NARS1: variants seen among roughly 807,000 people sequenced by gnomAD.
The protein encoded by NARS1 is asparaginyl-tRNA synthetase 1.
Under a neutral mutation model 79.2 loss-of-function variants are expected in NARS1, and 65 were observed. That is an observed-to-expected ratio of 0.82 (90% CI 0.67 to 1.01). The LOEUF is 1.01. Ranked by LOEUF, NARS1 falls within the 50% of genes least tolerant of loss-of-function variation. NARS1 has a pLI of 0.00. For synonymous variants in NARS1, 229 were observed against 238.8 expected, an observed-to-expected ratio of 0.96 and a Z score of 0.38; for missense variants, 649 against 673.8, an observed-to-expected ratio of 0.96 and a Z score of 0.41.
intron 1 of NARS1, among the ~76,000 whole-genome samples, chr18:57,621,009 C>A (rs978333712): frequency 1.3e-5 from 2 of 152,186 alleles, no homozygotes; most frequent in Admixed American, 1.3e-4. Flanking sequence ...ATTTACTTAA[C>A]CTTTCTGAGC....
At chr18:57,621,588 T>A in intron 1 of NARS1, 120 bp downstream of exon 1, 1 of 443,030 alleles carries the variant, frequency 2.3e-6, no homozygotes, top group South Asian at 1.6e-5. Context: ...CTGCAATCGG[T>A]CCCCAAACAT....
intron 10 of NARS1, among the ~76,000 whole-genome samples, chr18:57,606,297 G>T (rs1187047779): frequency 2.7e-5 from 4 of 149,360 alleles, no homozygotes; most frequent in African/African-American, 7.4e-5. Flanking sequence ...AGTGAGCAGA[G>T]ATCGCGCCAC....
intron 4 of NARS1, among the ~76,000 whole-genome samples, chr18:57,614,027 C>A (rs2051627213): frequency 6.6e-6 from 1 of 152,144 alleles, no homozygotes; most frequent in African/African-American, 2.4e-5. Context: ...CCACATGAAG[C>A]CTTTTCCATG....
In NARS1 at chr18:57,601,474, G is replaced by A; in HGVS notation, c.*178C>T. 1.8e-6 allele frequency: 1 copy of A among 549,686 alleles called. No individual in the cohort carries two copies. Among genetic ancestry groups the A allele is most frequent in the Non-Finnish European group, 2.8e-6 (1 of 352,828 alleles). The allele number at this position is 549,686 out of a possible 1,614,324, so 34.1% of individuals were successfully genotyped here. A position where few individuals can be genotyped will look rare whatever the true frequency, so the allele number is the denominator to read the frequency against. On this transcript the variant is annotated 3_prime_UTR_variant, in exon 14 of 14. Coordinates refer to ENST00000256854, the MANE Select transcript of NARS1 (RefSeq NM_004539.4). ...AAAAATGGATATTTTTTCTTAAGAT[G>A]ACAACCTTAATATCACTTGATGTTC...
chr18:57,609,526 C>T (rs2051588322), intron 6 of NARS1, 83 bp from the exon 7 acceptor site: 2 of 1,090,860 alleles, frequency 1.8e-6, no homozygotes, highest in Admixed American at 3.8e-5. Context: ...GGATTGTTTA[C>T]AAACAAGTTA....
chr18:57,609,470 A>G, intron 6 of NARS1, 27 bp from the exon 7 acceptor site: 1 of 1,574,454 alleles, frequency 6.4e-7, no homozygotes, highest in Non-Finnish European at 8.7e-7. Context: ...GCTCAAATTT[A>G]GTTATTCACA....
At chr18:57,602,232 A>G in intron 13 of NARS1, 123 bp downstream of exon 13, 2 of 892,678 alleles carry the variant, frequency 2.2e-6, no homozygotes, top group Non-Finnish European at 3.4e-6. Flanking sequence ...ATAACCTGCA[A>G]ACTGAATATA....
At chr18:57,616,541 A>T (rs2122453817) in intron 2 of NARS1, among the ~76,000 whole-genome samples, 1 of 152,286 alleles carries the variant, frequency 6.6e-6, no homozygotes, top group African/African-American at 2.4e-5. Flanking sequence ...AGCAGACTAT[A>T]AGCAACAGAT....
intron 2 of NARS1, among the ~76,000 whole-genome samples, chr18:57,620,279 A>G (rs898569940): frequency 6.6e-6 from 1 of 152,244 alleles, no homozygotes; most frequent in African/African-American, 2.4e-5. Flanking sequence ...TTTTATCTTT[A>G]CAAGAATTGA....
rs201913524 is a variant in NARS1, at chr18:57,601,698, C to A, written c.1601G>T (p.Arg534Leu). 2 of 1,613,818 alleles carry A rather than the reference C, an allele frequency of 1.2e-6. No individual in the cohort carries two copies. The highest frequency in any genetic ancestry group is 1.7e-6 in the Non-Finnish European group (2 of 1,179,780). The change falls in exon 14 of 14, where the codon CGA becomes CTA. Residue 534 changes from arginine to leucine, a missense_variant. Physicochemically the swap from Arg to Leu is moderately radical, Grantham distance 102. Coordinates refer to ENST00000256854, the MANE Select transcript of NARS1 (RefSeq NM_004539.4). The part of the protein sequence containing the change: ...LTWILNRYHI[R>L]DVCLYPRFVQ... Reference sequence around the variant, plus strand: ...AAATCGAGGGTATAAGCACACGTCTCGGATGTGATACCTATTCAGAATCCA... The same window carrying A: ...AAATCGAGGGTATAAGCACACGTCTAGGATGTGATACCTATTCAGAATCCA...
intron 2 of NARS1, among the ~76,000 whole-genome samples, chr18:57,618,531 G>A (rs1035475356): frequency 2.0e-5 from 3 of 152,214 alleles, no homozygotes; most frequent in African/African-American, 7.2e-5. Flanking sequence ...TCTAAACGGT[G>A]TTGTCAGTTT....
chr18:57,611,994 C>T (rs2051608248), intron 5 of NARS1, among the ~76,000 whole-genome samples: 1 of 152,046 alleles, frequency 6.6e-6, no homozygotes, highest in African/African-American at 2.4e-5. Flanking sequence ...TGGGCTCAAG[C>T]AATCCTCCTA....
At chr18:57,605,134 A>AAAAAT (rs536569272) in intron 11 of NARS1, among the ~76,000 whole-genome samples, 8,070 of 134,548 alleles carry the variant, frequency 0.06, 470 homozygotes, top group African/African-American at 0.14. Flanking sequence ...AAAAAAAAAA[A>AAAAAT]ATATATATAT....
intron 11 of NARS1, among the ~76,000 whole-genome samples, chr18:57,604,523 C>T (rs561880268): frequency 2.0e-5 from 3 of 152,340 alleles, no homozygotes; most frequent in South Asian, 4.1e-4. Context: ...CACATTTCAA[C>T]TGTAAAACAA....
chr18:57,620,661 A>G lies in NARS1; in HGVS notation c.11-10T>C. The G allele has an allele frequency of 6.3e-7, 1 of 1,591,266 alleles. No individual in the cohort carries two copies. The highest frequency in any genetic ancestry group is 8.6e-7 in the Non-Finnish European group (1 of 1,161,428). On this transcript the variant is annotated splice_polypyrimidine_tract_variant and intron_variant, in intron 1 of 13. Transcript: ENST00000256854. ...GAGACGTACAGCTCTGCTGTTTGAC[A>G]AAATGAGGGTAAGTTATGGTCTGGC...
intron 7 of NARS1, among the ~76,000 whole-genome samples, chr18:57,608,170 C>A (rs529965488): frequency 6.6e-6 from 1 of 151,978 alleles, no homozygotes; most frequent in Non-Finnish European, 1.5e-5. Context: ...GCAGCCTGTG[C>A]GTTTCCATTT....
intron 12 of NARS1, 82 bp downstream of exon 12, chr18:57,602,730 A>G: frequency 6.8e-7 from 1 of 1,470,574 alleles, no homozygotes; most frequent in Non-Finnish European, 9.2e-7. Flanking sequence ...AATATTTGGC[A>G]TGAGCTGTAC....
At chr18:57,613,470 G>A (rs541874274) in intron 5 of NARS1, 132 bp downstream of exon 5, 23 of 733,106 alleles carry the variant, frequency 3.1e-5, no homozygotes, top group Non-Finnish European at 5.1e-5. Flanking sequence ...TCCAGCCTGG[G>A]CAACAAAGTG....
At chr18:57,608,262 A>G (rs972417695) in intron 7 of NARS1, among the ~76,000 whole-genome samples, 1 of 151,942 alleles carries the variant, frequency 6.6e-6, no homozygotes, top group African/African-American at 2.4e-5. Context: ...CATCCTGGCC[A>G]ACAAGGTGAA....
Sources: allele counts gnomAD v4.1 joint callset (sites outside exome capture counted in the v4.1 genomes callset), GRCh38; gene constraint gnomAD v4.1.1; transcripts MANE v1.5; gene names NCBI Gene and HGNC (gene_info 2026-07-23, HGNC 2026-07-21).